The following DNAH7 variants were observed in gnomAD, a reference collection of about 807,000 sequenced individuals.
The protein encoded by DNAH7 is axonemal beta dynein heavy chain 7.
DNAH7 carries 397 observed loss-of-function variants against 444.6 expected under a neutral mutation model. The observed-to-expected ratio is 0.89, with a 90% CI of 0.82 to 0.97. The LOEUF (loss-of-function observed/expected upper bound fraction) is 0.97, where lower values mean the gene tolerates loss of function less well. Ranked by LOEUF, DNAH7 falls within the 50% of genes least tolerant of loss-of-function variation. The pLI is 0.00. For missense variants in DNAH7, 4,902 were observed against 4,800.8 expected (o/e 1.02, Z -0.62); for synonymous variants, 1,636 against 1,624.4 (o/e 1.01, Z -0.17).
At position 196,028,029 on chromosome 2, in the gene DNAH7, T is replaced by C. The variant is rs752278270; in HGVS notation, c.417A>G (p.Leu139=). Reference sequence around the variant, plus strand: ...TGCTTCCATCAGGGACAGCTGAGTCTAAGTCAGCATCTTGTTGCCTAAGAA... The same window carrying C: ...TGCTTCCATCAGGGACAGCTGAGTCCAAGTCAGCATCTTGTTGCCTAAGAA... The part of the protein sequence containing the change: ...VNVIMQQDAD[L]DSAVPDGSTI... The change falls in exon 6 of 65, where the codon TTA becomes TTG. Residue 139 remains leucine, a synonymous_variant. Transcript: ENST00000312428. The C allele has an allele frequency of 3.1e-6, 5 of 1,608,236 alleles. No homozygotes were observed. The highest frequency in any genetic ancestry group is 4.5e-5 in the East Asian group (2 of 44,396).
chr2:195,952,468 T>C (rs1341412834), intron 19 of DNAH7, among the ~76,000 whole-genome samples: 2 of 152,206 alleles, frequency 1.3e-5, no homozygotes, highest in African/African-American at 4.8e-5. Flanking sequence ...ATTTGAATGT[T>C]GGCCTGTCTT....
chr2:195,991,812 A>G (rs1343935411), intron 12 of DNAH7, among the ~76,000 whole-genome samples: 2 of 152,238 alleles, frequency 1.3e-5, no homozygotes, highest in Admixed American at 6.5e-5. Context: ...TAGAACTTAA[A>G]GTAATGCAAA....
intron 35 of DNAH7, among the ~76,000 whole-genome samples, chr2:195,882,494 C>A (rs575008178): frequency 3.3e-5 from 5 of 152,192 alleles, no homozygotes; most frequent in African/African-American, 1.2e-4. Context: ...AAAATTTACC[C>A]TTAACAATTT....
intron 42 of DNAH7, among the ~76,000 whole-genome samples, chr2:195,859,866 C>G (rs1465263900): frequency 6.6e-6 from 1 of 152,130 alleles, no homozygotes; most frequent in Non-Finnish European, 1.5e-5. Context: ...AATATGGTGG[C>G]TAATCCCAAG....
chr2:195,738,031 T>TG lies in DNAH7; in HGVS notation c.11964dup (p.Thr3989HisfsTer17). ...ACAAAATTCGTGGAATGGCCAGTGG[T>TG]GGATAATACTCCTCTCCGCTCACTT... is the stretch of plus-strand genomic sequence containing the variant. On this transcript the variant is annotated frameshift_variant, in exon 65 of 65. Transcript: ENST00000312428. LOFTEE classifies it high-confidence loss of function. 1 of 1,614,016 alleles carries TG rather than the reference T, an allele frequency of 6.2e-7. No homozygotes were observed. The highest frequency in any genetic ancestry group is 8.5e-7 in the Non-Finnish European group (1 of 1,179,910).
intron 7 of DNAH7, among the ~76,000 whole-genome samples, chr2:196,026,498 G>T (rs896154842): frequency 6.6e-6 from 1 of 152,132 alleles, no homozygotes; most frequent in Admixed American, 6.6e-5. Flanking sequence ...AATATCTTGA[G>T]GGATTGAAAT....
intron 63 of DNAH7, chr2:195,741,229 T>C (rs560402681): frequency 6.5e-6 from 1 of 152,844 alleles, no homozygotes; most frequent in Non-Finnish European, 1.5e-5. Context: ...GGGAAAAAAA[T>C]AGTTCTTAAT....
chr2:195,763,790 A>T (rs921911293), intron 61 of DNAH7, among the ~76,000 whole-genome samples: 1 of 152,026 alleles, frequency 6.6e-6, no homozygotes, highest in Non-Finnish European at 1.5e-5. Flanking sequence ...TCAGTACTGA[A>T]TTCTACCAAA....
intron 9 of DNAH7, among the ~76,000 whole-genome samples, chr2:196,017,809 T>C (rs1695125209): frequency 6.6e-6 from 1 of 151,982 alleles, no homozygotes; most frequent in Non-Finnish European, 1.5e-5. Flanking sequence ...CTTCAGGTGG[T>C]CAAAAAACTA....
Position 195,808,880 on chromosome 2 carries a change from T to C in DNAH7, c.9889-4A>G, listed in dbSNP as rs1157988886. The C allele has an allele frequency of 1.1e-5, 17 of 1,611,606 alleles. No individual in the cohort carries two copies. The highest frequency in any genetic ancestry group is 1.4e-5 in the Non-Finnish European group (17 of 1,178,908). On this transcript the variant is annotated splice_region_variant and splice_polypyrimidine_tract_variant and intron_variant, in intron 52 of 64. Coordinates refer to ENST00000312428, the MANE Select transcript of DNAH7 (RefSeq NM_018897.3). ...ATCTCCACTCAGCTTTATTAATCTT[T>C]GGAAAACAAGGCAGCGTGAAGAGTC...
chr2:195,907,407 G>A (rs1156365854), intron 25 of DNAH7, among the ~76,000 whole-genome samples: 1 of 152,018 alleles, frequency 6.6e-6, no homozygotes, highest in Non-Finnish European at 1.5e-5. Context: ...CTTGTGGTTT[G>A]AGCACCTTAA....
chr2:195,743,356 A>G (rs925494619), intron 63 of DNAH7, among the ~76,000 whole-genome samples: 1 of 152,192 alleles, frequency 6.6e-6, no homozygotes, highest in Non-Finnish European at 1.5e-5. Flanking sequence ...ACTCCCTCTC[A>G]TATATACATA....
chr2:195,870,685 GC>G (rs1265717181), intron 40 of DNAH7, among the ~76,000 whole-genome samples: 1 of 152,118 alleles, frequency 6.6e-6, no homozygotes, highest in Non-Finnish European at 1.5e-5. Flanking sequence ...TATAAAAGAG[GC>G]CAGAGAGCCC....
At chr2:196,054,967 C>T (rs1277517313) in intron 2 of DNAH7, among the ~76,000 whole-genome samples, 5 of 152,152 alleles carry the variant, frequency 3.3e-5, no homozygotes, top group Non-Finnish European at 4.4e-5. Flanking sequence ...CACAAATTAC[C>T]CAGTTTCGGG....
chr2:196,022,781 G>A (rs1440885815), intron 8 of DNAH7, among the ~76,000 whole-genome samples: 28 of 152,066 alleles, frequency 1.8e-4, no homozygotes, highest in Admixed American at 1.8e-3. Flanking sequence ...TTTTCTTAAC[G>A]GCACCTACAA....
intron 19 of DNAH7, among the ~76,000 whole-genome samples, chr2:195,955,213 G>A (rs1389493743): frequency 1.3e-5 from 2 of 152,126 alleles, no homozygotes; most frequent in South Asian, 4.1e-4. Flanking sequence ...AAGGTGTAAG[G>A]AAGGGATCCA....
intron 4 of DNAH7, 88 bp downstream of exon 4, chr2:196,048,208 G>A: frequency 8.6e-7 from 1 of 1,161,414 alleles, no homozygotes; most frequent in Non-Finnish European, 1.2e-6. Context: ...TTCAGGTTTT[G>A]TACTTCTATT....
intron 59 of DNAH7, 74 bp downstream of exon 59, chr2:195,777,726 A>G: frequency 6.8e-7 from 1 of 1,465,292 alleles, no homozygotes; most frequent in Non-Finnish European, 9.3e-7. Flanking sequence ...CAAAATCACC[A>G]TTTAAAAAAT....
rs761394358 is a variant in DNAH7, at chr2:195,926,429, T to C, written c.3609A>G (p.Ile1203Met). Residue 1203 changes from isoleucine to methionine, a missense_variant, in exon 22 of 65, where the codon ATA (isoleucine) becomes ATG (methionine). Physicochemically the swap from Ile to Met is conservative, Grantham distance 10. Coordinates refer to ENST00000312428, the MANE Select transcript of DNAH7 (RefSeq NM_018897.3). ...CCGAGGGTTAATAAAACCTTACCTT[T>C]ATCCCCATTGGAATAGCTGTTTGTA... ...KEVQTAIPMGIKALEQYLKTC... is the reference protein window; with the variant it reads ...KEVQTAIPMGMKALEQYLKTC... 3 of 1,574,570 alleles carry C rather than the reference T, an allele frequency of 1.9e-6. No individual in the cohort carries two copies. In the Admixed American group the frequency reaches 5.7e-5, roughly 30 times the overall value.
Sources: gnomAD v4.1 joint callset for allele counts (sites outside exome capture counted in the v4.1 genomes callset) on GRCh38, gnomAD v4.1.1 for gene constraint, MANE v1.5 for transcripts, NCBI Gene and HGNC (gene_info 2026-07-23, HGNC 2026-07-21) for gene names.